Variants in KHDRBS2 observed in about 807,000 individuals in gnomAD.
The protein encoded by KHDRBS2 is KH domain-containing, RNA-binding, signal transduction-associated protein 2.
A neutral mutation model predicts 44.3 loss-of-function variants in KHDRBS2; 26 were observed. The observed-to-expected ratio is 0.59, with a 90% CI of 0.43 to 0.81. The LOEUF is 0.81. KHDRBS2 is among the 40% of genes least tolerant of loss of function. The pLI is 0.00. For missense variants in KHDRBS2, 476 were observed against 433.1 expected (o/e 1.10, Z -0.88); for synonymous variants, 194 against 151.1 (o/e 1.28, Z -2.08).
At chr6:62,038,416 G>T (rs1428282459) in intron 3 of KHDRBS2, among the ~76,000 whole-genome samples, 2 of 151,778 alleles carry the variant, frequency 1.3e-5, no homozygotes, top group East Asian at 3.9e-4. Context: ...CAATGATTGT[G>T]AAGAGCCCAA....
the KHDRBS2 span, among the ~76,000 whole-genome samples, chr6:61,642,143 C>T: frequency 6.6e-6 from 1 of 152,152 alleles, no homozygotes; most frequent in East Asian, 1.9e-4. Context: ...CTATTCCCTA[C>T]TTCTGTAACA....
chr6:61,652,803 C>A, the KHDRBS2 span, among the ~76,000 whole-genome samples: 1 of 151,994 alleles, frequency 6.6e-6, no homozygotes, highest in East Asian at 1.9e-4. Context: ...GTGAGCACAT[C>A]AGTGTGCTCA....
intron 2 of KHDRBS2, among the ~76,000 whole-genome samples, chr6:62,094,958 T>A (rs1800257474): frequency 6.6e-6 from 1 of 151,986 alleles, no homozygotes; most frequent in Non-Finnish European, 1.5e-5. Flanking sequence ...TTTTGGTTAC[T>A]ATAGCATTGT....
intron 6 of KHDRBS2, among the ~76,000 whole-genome samples, chr6:61,778,521 A>T (rs1316206493): frequency 6.6e-6 from 1 of 152,208 alleles, no homozygotes; most frequent in African/African-American, 2.4e-5. Flanking sequence ...AGAGGAGAAT[A>T]TTAGAAAATA....
At chr6:61,718,868 A>G (rs1771874533) in intron 7 of KHDRBS2, among the ~76,000 whole-genome samples, 1 of 152,118 alleles carries the variant, frequency 6.6e-6, no homozygotes, top group Non-Finnish European at 1.5e-5. Flanking sequence ...ACTCTCCACA[A>G]ATTATCCTAA....
chr6:61,885,124 CA>C (rs1216937494), intron 6 of KHDRBS2, among the ~76,000 whole-genome samples: 1 of 151,972 alleles, frequency 6.6e-6, no homozygotes, highest in African/African-American at 2.4e-5. Flanking sequence ...TATTAGTCAA[CA>C]AATCCCTATG....
At chr6:62,152,918 A>G (rs1815533131) in intron 2 of KHDRBS2, among the ~76,000 whole-genome samples, 1 of 152,196 alleles carries the variant, frequency 6.6e-6, no homozygotes, top group South Asian at 2.1e-4. Context: ...CAAATTGCAT[A>G]TTTAGATTCT....
intron 6 of KHDRBS2, among the ~76,000 whole-genome samples, chr6:61,778,230 G>C (rs116013658): frequency 1.3e-5 from 2 of 152,134 alleles, no homozygotes; most frequent in African/African-American, 4.8e-5. Context: ...ATGAGGATTC[G>C]TTTAACTCCG....
At chr6:62,062,243 C>T (rs1258171910) in intron 2 of KHDRBS2, among the ~76,000 whole-genome samples, 1 of 148,552 alleles carries the variant, frequency 6.7e-6, no homozygotes, top group African/African-American at 2.5e-5. Context: ...AGCAAGGATA[C>T]CCAGGAATTG....
the KHDRBS2 span, among the ~76,000 whole-genome samples, chr6:61,635,823 T>C: frequency 1.3e-5 from 2 of 152,004 alleles, no homozygotes; most frequent in Non-Finnish European, 2.9e-5. Context: ...GGAGATTTAT[T>C]ATTGAGAATG....
intron 2 of KHDRBS2, among the ~76,000 whole-genome samples, chr6:62,165,096 C>T (rs907568392): frequency 4.0e-5 from 6 of 151,682 alleles, no homozygotes; most frequent in Non-Finnish European, 8.9e-5. Flanking sequence ...ATCAACATGA[C>T]TTTCCTTGTG....
At chr6:61,907,479 C>A (rs1364951012) in intron 4 of KHDRBS2, among the ~76,000 whole-genome samples, 2 of 152,020 alleles carry the variant, frequency 1.3e-5, no homozygotes, top group Non-Finnish European at 2.9e-5. Flanking sequence ...GAAATCTTTC[C>A]CCAAACTGAT....
intron 1 of KHDRBS2, among the ~76,000 whole-genome samples, chr6:62,274,178 C>T (rs963160852): frequency 6.6e-6 from 1 of 152,192 alleles, no homozygotes; most frequent in Middle Eastern, 3.4e-3. Flanking sequence ...TCGTGATCTG[C>T]CCACCTCAGC....
At chr6:62,219,201 G>A (rs1316176879) in intron 1 of KHDRBS2, among the ~76,000 whole-genome samples, 1 of 147,164 alleles carries the variant, frequency 6.8e-6, no homozygotes, top group Non-Finnish European at 1.5e-5. Flanking sequence ...ATGAAACACA[G>A]CTAACTTGAG....
At chr6:61,566,856 T>C in the KHDRBS2 span, among the ~76,000 whole-genome samples, 1 of 152,120 alleles carries the variant, frequency 6.6e-6, no homozygotes, top group Non-Finnish European at 1.5e-5. Flanking sequence ...CTAAGAGTAA[T>C]GGCAATGTAA....
At position 62,227,490 on chromosome 6, in the gene KHDRBS2, C is replaced by T. The variant is rs150476996; in HGVS notation, c.92-50178G>A. On this transcript the variant is annotated intron_variant, in intron 1 of 8. Coordinates refer to ENST00000281156, the MANE Select transcript of KHDRBS2 (RefSeq NM_152688.4). Reference sequence around the variant, plus strand: ...GCAAACAGAGACGATTTGACTTCTTCTCTTCCTATTTGAATGCCAATTATT... The same window carrying T: ...GCAAACAGAGACGATTTGACTTCTTTTCTTCCTATTTGAATGCCAATTATT... Among the ~76,000 whole-genome samples, 6 of 152,304 alleles carry T rather than the reference C, an allele frequency of 3.9e-5. No homozygotes were observed. In the South Asian group the frequency reaches 1.2e-3, roughly 32 times the overall value.
At chr6:61,755,920 G>A (rs1351688391) in intron 6 of KHDRBS2, among the ~76,000 whole-genome samples, 1 of 152,116 alleles carries the variant, frequency 6.6e-6, no homozygotes, top group African/African-American at 2.4e-5. Context: ...GTCCACCAAT[G>A]CTGTGATTTG....
intron 7 of KHDRBS2, among the ~76,000 whole-genome samples, chr6:61,732,159 A>G (rs1362450276): frequency 6.6e-6 from 1 of 152,124 alleles, no homozygotes; most frequent in Non-Finnish European, 1.5e-5. Flanking sequence ...GACTTTGAAG[A>G]CATAAAAAAT....
intron 1 of KHDRBS2, among the ~76,000 whole-genome samples, chr6:62,200,611 AT>A (rs1826752740): frequency 6.6e-6 from 1 of 152,246 alleles, no homozygotes; most frequent in Non-Finnish European, 1.5e-5. Flanking sequence ...ATGTGGAGAA[AT>A]GGGAACATTT....
Sources: gnomAD v4.1 joint callset for allele counts (sites outside exome capture counted in the v4.1 genomes callset) on GRCh38, gnomAD v4.1.1 for gene constraint, MANE v1.5 for transcripts, NCBI Gene and HGNC (gene_info 2026-07-23, HGNC 2026-07-21) for gene names.